The following BRCA1 variants were observed in gnomAD, a reference collection of about 807,000 sequenced individuals.
BRCA1 encodes breast cancer type 1 susceptibility protein.
Under a neutral mutation model 173.7 loss-of-function variants are expected in BRCA1, and 140 were observed. The observed-to-expected ratio is 0.81, with a 90% CI of 0.70 to 0.93. The LOEUF is 0.93. Among genes scored for constraint, BRCA1 ranks in the 40% least tolerant of loss-of-function variants. The pLI is 0.00. For synonymous variants in BRCA1, 662 were observed against 756.0 expected (o/e 0.88, Z 2.04); for missense variants, 1,983 against 2,172.5 (o/e 0.91, Z 1.73).
intron 1 of BRCA1, among the ~76,000 whole-genome samples, chr17:43,158,332 C>T (rs1330147266): frequency 6.6e-6 from 1 of 152,084 alleles, no homozygotes; most frequent in South Asian, 2.1e-4. Flanking sequence ...GCTTCTCTGG[C>T]TCTGATTTTC....
chr17:43,071,794 G>T, intron 14 of BRCA1, among the ~76,000 whole-genome samples: 1 of 150,186 alleles, frequency 6.7e-6, no homozygotes. Context: ...ACGAGGTCAG[G>T]AGATCAAGAC....
At position 43,108,991 on chromosome 17, in the gene BRCA1, C is replaced by T. The variant is rs146059433; in HGVS notation, c.135-2458G>A. Among the ~76,000 whole-genome samples, 446 of 152,170 alleles carry T rather than the reference C, an allele frequency of 2.9e-3. 2 individuals are homozygous for T. The highest frequency in any genetic ancestry group is 0.01 in the African/African-American group (425 of 41,498). On this transcript the variant is annotated intron_variant, in intron 3 of 22. Transcript: ENST00000357654. The stretch of plus-strand genomic sequence containing the variant: ...CTGGGCAACAAGAGCGAAACTCCAT[C>T]TCAAAAACAAAACAAAACAAAACAA...
intron 2 of BRCA1, among the ~76,000 whole-genome samples, chr17:43,118,947 G>T (rs2055421420): frequency 6.6e-6 from 1 of 151,940 alleles, no homozygotes; most frequent in South Asian, 2.1e-4. Context: ...TGTATTTTTG[G>T]TAGGGAAGGG....
At chr17:43,158,073 G>A (rs2056209462) in intron 1 of BRCA1, among the ~76,000 whole-genome samples, 1 of 151,572 alleles carries the variant, frequency 6.6e-6, no homozygotes, top group Non-Finnish European at 1.5e-5. Flanking sequence ...TACAATAGTT[G>A]ACTGAAAATA....
At chr17:43,107,981 T>C (rs752899392) in intron 3 of BRCA1, among the ~76,000 whole-genome samples, 10 of 151,902 alleles carry the variant, frequency 6.6e-5, no homozygotes, top group Non-Finnish European at 1.5e-4. Context: ...AGGGGGTGAC[T>C]AGGTAGGGAG....
chr17:43,049,129 G>A lies in BRCA1; in HGVS notation c.5398C>T (p.Leu1800Phe), dbSNP rs2051074344. Residue 1800 changes from leucine to phenylalanine, a missense_variant, in exon 21 of 23, where the codon CTT (leucine) becomes TTT (phenylalanine). Transcript: ENST00000357654. ...GGGCACCCAATACTTACTGTGCCAA[G>A]GGTGAATGATGAAAGCTCCTTCACC... ...SVVKELSSFTLGTGVHPIVVV... is the reference protein window; with the variant it reads ...SVVKELSSFTFGTGVHPIVVV... 6.2e-7 allele frequency: 1 copy of A among 1,613,992 alleles called. No individual in the cohort carries two copies. The highest frequency in any genetic ancestry group is 8.5e-7 in the Non-Finnish European group (1 of 1,179,882).
intron 3 of BRCA1, among the ~76,000 whole-genome samples, chr17:43,107,936 C>A (rs1223652832): frequency 6.6e-6 from 1 of 151,866 alleles, no homozygotes; most frequent in African/African-American, 2.4e-5. Context: ...TAAGATCCTG[C>A]AAAATAAAAC....
At position 43,093,392 on chromosome 17, in the gene BRCA1, T is replaced by G. The variant is rs1131692089; in HGVS notation, c.2139A>C (p.Ser713=). Residue 713 remains serine, a synonymous_variant, in exon 10 of 23, where the codon TCA becomes TCC. Transcript: ENST00000357654. ...TNAPGSFTKC[S]NTSELKEFVN... is the part of the protein sequence containing the mutation. ...CAAATTCTTTAAGTTCACTGGTATT[T>G]GAACACTTAGTAAAAGAACCAGGTG... 9 of 1,614,112 alleles carry G rather than the reference T, an allele frequency of 5.6e-6. No homozygotes were observed. The highest frequency in any genetic ancestry group is 5.1e-6 in the Non-Finnish European group (6 of 1,180,006).
Position 43,091,039 on chromosome 17 carries a change from T to A in BRCA1, c.4097-7A>T, listed in dbSNP as rs80358007. Reference sequence around the variant, plus strand: ...CACCCAGATGCTGCTTCACCTTAAATAACAAAAACAGAGGTTCAGATGTAA... The same window carrying A: ...CACCCAGATGCTGCTTCACCTTAAAAAACAAAAACAGAGGTTCAGATGTAA... On this transcript the variant is annotated splice_region_variant and splice_polypyrimidine_tract_variant and intron_variant, in intron 10 of 22. Transcript: ENST00000357654. 1 of 1,610,082 alleles carries A rather than the reference T, an allele frequency of 6.2e-7. No homozygotes were observed. Among genetic ancestry groups the A allele is most frequent in the Admixed American group, 1.7e-5 (1 of 59,528 alleles).
chr17:43,058,852 G>A (rs1272858297), intron 18 of BRCA1, among the ~76,000 whole-genome samples: 3 of 152,176 alleles, frequency 2.0e-5, no homozygotes, highest in African/African-American at 7.2e-5. Context: ...TCATGGACAT[G>A]AGAATAAAGA....
intron 1 of BRCA1, chr17:43,166,783 T>C (rs4792982): frequency 0.32 from 48,172 of 151,838 alleles, 7,968 homozygotes; most frequent in South Asian, 0.49. Context: ...AAGTCAAAAA[T>C]AAAAACCAAA....
rs773655919 is a variant in BRCA1, at chr17:43,051,056, C to T, written c.5332+7G>A. 1 of 1,613,660 alleles carries T rather than the reference C, an allele frequency of 6.2e-7. No homozygotes were observed. Among genetic ancestry groups the T allele is most frequent in the South Asian group, 1.1e-5 (1 of 91,074 alleles). ...GCTGGAACTCTGGGGTTCTCCCAGGCTCTTACCTGTGGGCATGTTGGTGAA... is the reference window on the plus strand; with the variant it reads ...GCTGGAACTCTGGGGTTCTCCCAGGTTCTTACCTGTGGGCATGTTGGTGAA... On this transcript the variant is annotated splice_region_variant and intron_variant, in intron 20 of 22. Transcript: ENST00000357654.
chr17:43,110,139 C>T (rs1195319383), intron 3 of BRCA1, among the ~76,000 whole-genome samples: 2 of 152,100 alleles, frequency 1.3e-5, no homozygotes, highest in Non-Finnish European at 2.9e-5. Context: ...CGTGATGTGC[C>T]CATCTCAGCC....
rs1250691798 is a variant in BRCA1, at chr17:43,082,417, G to A, written c.4344C>T (p.Ser1448=). ...ALEDLRNPEQ[S]TSEKAVLTSQ... Reference sequence around the variant, plus strand: ...AACAATACACACCTTTTTCTGATGTGCTTTGTTCTGGATTTCGCAGGTCCT... The same window carrying A: ...AACAATACACACCTTTTTCTGATGTACTTTGTTCTGGATTTCGCAGGTCCT... The change falls in exon 12 of 23, where the codon AGC becomes AGT. Residue 1448 remains serine, a synonymous_variant. Coordinates refer to ENST00000357654, the MANE Select transcript of BRCA1 (RefSeq NM_007294.4). 6.2e-7 allele frequency: 1 copy of A among 1,613,700 alleles called. No individual in the cohort carries two copies. The highest frequency in any genetic ancestry group is 1.7e-5 in the Admixed American group (1 of 59,900).
intron 2 of BRCA1, among the ~76,000 whole-genome samples, chr17:43,121,053 G>C (rs1361032856): frequency 6.7e-6 from 1 of 148,854 alleles, no homozygotes; most frequent in African/African-American, 2.5e-5. Flanking sequence ...CTGGGCGACA[G>C]AGCCAGACTC....
chr17:43,111,390 C>G (rs1468316658), intron 3 of BRCA1, among the ~76,000 whole-genome samples: 1 of 151,706 alleles, frequency 6.6e-6, no homozygotes, highest in Non-Finnish European at 1.5e-5. Context: ...TGTGGTGGCA[C>G]ATGCCTGTAG....
chr17:43,160,137 G>T (rs1004700039), intron 1 of BRCA1: 2 of 151,682 alleles, frequency 1.3e-5, no homozygotes, highest in Non-Finnish European at 2.9e-5. Context: ...TGCCTCCCAG[G>T]CTCACACCAT....
rs1444155235 is a variant in BRCA1 at position 43,098,358 on chromosome 17, T to A, written c.548-1069A>T. Among the ~76,000 whole-genome samples, 8 of 152,022 alleles carry A rather than the reference T, an allele frequency of 5.3e-5. No homozygotes were observed. The East Asian group carries it at 1.5e-3, about 29-fold the overall frequency. ...TAAGCTTAAAAAAATTTATTATTTTTAAAAATTATTATTTTTTTGAGATGC... is the reference window on the plus strand; with the variant it reads ...TAAGCTTAAAAAAATTTATTATTTTAAAAAATTATTATTTTTTTGAGATGC... On this transcript the variant is annotated intron_variant, in intron 7 of 22. Coordinates refer to ENST00000357654, the MANE Select transcript of BRCA1 (RefSeq NM_007294.4).
At chr17:43,072,859 C>T (rs923881465) in intron 14 of BRCA1, among the ~76,000 whole-genome samples, 9 of 151,062 alleles carry the variant, frequency 6.0e-5, no homozygotes, top group South Asian at 2.1e-4. Context: ...CCACCCACCA[C>T]GCCTGGCCCC....
Sources: allele counts gnomAD v4.1 joint callset (sites outside exome capture counted in the v4.1 genomes callset), GRCh38; gene constraint gnomAD v4.1.1; transcripts MANE v1.5; gene names NCBI Gene and HGNC (gene_info 2026-07-23, HGNC 2026-07-21).